The following HBS1L variants were observed in gnomAD, a reference collection of about 807,000 sequenced individuals.
HBS1L encodes the protein HBS1-like protein.
A neutral mutation model predicts 88.9 loss-of-function variants in HBS1L; 55 were observed. The observed-to-expected ratio is 0.62, with a 90% CI of 0.50 to 0.77. The LOEUF is 0.77. HBS1L is among the 30% of genes least tolerant of loss of function. The pLI is 0.00. For missense variants in HBS1L, 741 were observed against 829.3 expected, an observed-to-expected ratio of 0.89 and a Z score of 1.31; for synonymous variants, 267 against 288.5, an observed-to-expected ratio of 0.93 and a Z score of 0.76.
chr6:135,019,084 A>G (rs1776001408), intron 4 of HBS1L, among the ~76,000 whole-genome samples: 1 of 151,966 alleles, frequency 6.6e-6, no homozygotes, highest in Admixed American at 6.6e-5. Context: ...AATATATGCT[A>G]TAATGGCTCA....
At chr6:135,050,308 T>C (rs922552191) in intron 2 of HBS1L, among the ~76,000 whole-genome samples, 2 of 152,212 alleles carry the variant, frequency 1.3e-5, no homozygotes, top group Non-Finnish European at 2.9e-5. Flanking sequence ...TAAATTACCA[T>C]TTTAGTATAT....
chr6:134,985,111 T>C (rs1774941108), intron 12 of HBS1L, among the ~76,000 whole-genome samples: 1 of 152,132 alleles, frequency 6.6e-6, no homozygotes, highest in South Asian at 2.1e-4. Flanking sequence ...AAGGTTTTCT[T>C]ATGCTTGAAA....
intron 17 of HBS1L, 31 bp from the exon 18 acceptor site, chr6:134,965,321 C>A: frequency 7.1e-7 from 1 of 1,417,116 alleles, no homozygotes; most frequent in Non-Finnish European, 9.8e-7. Context: ...AAGACATTTG[C>A]TGTAATTTAA....
chr6:134,992,960 T>C (rs938815841), intron 8 of HBS1L, among the ~76,000 whole-genome samples: 4 of 152,188 alleles, frequency 2.6e-5, no homozygotes, highest in African/African-American at 7.2e-5. Flanking sequence ...TGTACCATTT[T>C]TTATCTTTTA....
In HBS1L at chr6:135,042,170, C is replaced by T. The variant is rs746031577; in HGVS notation, c.110-44G>A. 8 of 1,510,016 alleles carry T rather than the reference C, an allele frequency of 5.3e-6. No individual in the cohort carries two copies. In the East Asian group the frequency reaches 1.6e-4, roughly 30 times the overall value. 93.5% of individuals were successfully genotyped at this position (1,510,016 alleles called of 1,614,324 possible). On this transcript the variant is annotated intron_variant, in intron 2 of 17. Transcript: ENST00000367837. ...AAAGAATGCTATGGTATAGCCATTT[C>T]CTATTAACTTTTTTTTACAAAAGTT...
At chr6:135,038,137 CT>C in intron 4 of HBS1L, 2 of 776,480 alleles carry the variant, frequency 2.6e-6, no homozygotes, top group Non-Finnish European at 3.9e-6. Context: ...CTAAATGCTT[CT>C]TTTGATTATG....
chr6:134,968,244 CT>C (rs748189369), intron 16 of HBS1L, among the ~76,000 whole-genome samples: 23,409 of 146,228 alleles, frequency 0.16, 1,949 homozygotes, highest in South Asian at 0.28. Context: ...GGTAAGAAAT[CT>C]TTTTTTTTTT....
At chr6:135,049,880 AC>A (rs1351007982) in intron 2 of HBS1L, among the ~76,000 whole-genome samples, 1 of 152,248 alleles carries the variant, frequency 6.6e-6, no homozygotes, top group Non-Finnish European at 1.5e-5. Flanking sequence ...CCTACACCAT[AC>A]TAAAATTTAG....
intron 11 of HBS1L, 121 bp downstream of exon 11, chr6:134,985,945 A>G: frequency 1.6e-6 from 1 of 628,050 alleles, no homozygotes; most frequent in South Asian, 2.0e-5. Context: ...CAGGTAACTT[A>G]GTTCCTCCGA....
chr6:134,986,182 T>C lies in HBS1L; in HGVS notation c.1307A>G (p.Glu436Gly). ...GHFLKQAGFKESDVGFIPTSG... is the reference protein window; with the variant it reads ...GHFLKQAGFKGSDVGFIPTSG... The stretch of plus-strand genomic sequence containing the variant: ...TGTAGGAATAAAACCTACATCACTC[T>C]CCTATTAAAAAGATTGACTTATGAA... Residue 436 changes from glutamate to glycine, a missense_variant and splice_region_variant, in exon 11 of 18, where the codon GAG becomes GGG. Coordinates refer to ENST00000367837, the MANE Select transcript of HBS1L (RefSeq NM_006620.4). 1 of 1,436,562 alleles carries C rather than the reference T, an allele frequency of 7.0e-7. No individual in the cohort carries two copies. Among genetic ancestry groups the C allele is most frequent in the Non-Finnish European group, 9.8e-7 (1 of 1,024,178 alleles). The allele number at this position is 1,436,562 out of a possible 1,614,324, so 89.0% of individuals were successfully genotyped here. A position where few individuals can be genotyped will look rare whatever the true frequency, so the allele number is the denominator to read the frequency against.
chr6:134,982,520 C>T lies in HBS1L; in HGVS notation c.1535G>A (p.Gly512Asp), dbSNP rs1774860744. Residue 512 changes from glycine (G) to aspartate (D), a missense_variant, in exon 13 of 18, where the codon GGT becomes GAT. By Grantham distance (94) the Gly-to-Asp change is moderately conservative. Coordinates refer to ENST00000367837, the MANE Select transcript of HBS1L (RefSeq NM_006620.4). ...GFCITGKIEA[G>D]YIQTGDRLLA... ...TAGTCGGTCACCAGTTTGGATATAA[C>T]CAGCTTCTATTTTACCAGTTATGCA... is the stretch of plus-strand genomic sequence containing the variant. 1 of 1,611,466 alleles carries T rather than the reference C, an allele frequency of 6.2e-7. No individual in the cohort carries two copies. Among genetic ancestry groups the T allele is most frequent in the African/African-American group, 1.3e-5 (1 of 74,772 alleles).
chr6:134,965,047 G>T lies in HBS1L; in HGVS notation c.*232C>A. 1.8e-6 allele frequency: 1 copy of T among 545,370 alleles called. No individual in the cohort carries two copies. Among genetic ancestry groups the T allele is most frequent in the Non-Finnish European group, 3.2e-6 (1 of 309,716 alleles). The allele number at this position is 545,370 out of a possible 1,614,324, so 33.8% of individuals were successfully genotyped here. A position where few individuals can be genotyped will look rare whatever the true frequency, so the allele number is the denominator to read the frequency against. ...TAGCAAAGTAAATCCATTTATTAAC[G>T]TTTCAAAGGCAAAGTTGTTTTTAAC... On this transcript the variant is annotated 3_prime_UTR_variant, in exon 18 of 18. Coordinates refer to ENST00000367837, the MANE Select transcript of HBS1L (RefSeq NM_006620.4).
Position 134,996,815 on chromosome 6 carries a change from A to C in HBS1L, c.927T>G (p.Tyr309Ter). The change falls in exon 7 of 18, where the codon TAT becomes TAG. Residue 309 changes from tyrosine to a stop codon, truncating the protein, a stop_gained. Coordinates refer to ENST00000367837, the MANE Select transcript of HBS1L (RefSeq NM_006620.4). LOFTEE classifies it high-confidence loss of function. ...CGCCAGTTTCATCCAAGACCCATGC[A>C]TATGCAAACGAAGCTTTGCCAGCCT... ...SKKAGKASFA[Y>*]AWVLDETGEE... 6.2e-7 allele frequency: 1 copy of C among 1,611,352 alleles called. No individual in the cohort carries two copies. The highest frequency in any genetic ancestry group is 1.3e-5 in the African/African-American group (1 of 74,906).
intron 4 of HBS1L, among the ~76,000 whole-genome samples, chr6:135,008,832 G>A (rs1426004327): frequency 1.3e-5 from 2 of 151,954 alleles, no homozygotes; most frequent in Non-Finnish European, 2.9e-5. Flanking sequence ...TGCCTTACAC[G>A]TTCACGCAGT....
chr6:135,024,907 C>A (rs1034679137), intron 4 of HBS1L, among the ~76,000 whole-genome samples: 1 of 152,068 alleles, frequency 6.6e-6, no homozygotes, highest in Admixed American at 6.6e-5. Flanking sequence ...GAGAAATCTT[C>A]TTCCGGAATG....
At chr6:135,035,262 C>T (rs1489336985) in intron 4 of HBS1L, among the ~76,000 whole-genome samples, 1 of 152,060 alleles carries the variant, frequency 6.6e-6, no homozygotes. Context: ...CTATCCTGGC[C>T]AACATGGTGA....
intron 4 of HBS1L, among the ~76,000 whole-genome samples, chr6:135,035,106 C>T (rs1433727666): frequency 6.6e-6 from 1 of 152,162 alleles, no homozygotes; most frequent in Admixed American, 6.5e-5. Context: ...CACTGTGGGG[C>T]ACACAACTGT....
intron 5 of HBS1L, among the ~76,000 whole-genome samples, chr6:135,002,346 G>C (rs1473659158): frequency 6.6e-6 from 1 of 152,062 alleles, no homozygotes; most frequent in Non-Finnish European, 1.5e-5. Flanking sequence ...AAATATTTTA[G>C]TTATTAAAAA....
rs9399131 is a variant in HBS1L, at chr6:134,991,554, T to C, written c.1083+2204A>G. Among the ~76,000 whole-genome samples the C allele has an allele frequency of 4.0e-4, 61 of 152,334 alleles. No homozygotes were observed. In the East Asian group the frequency reaches 0.011, roughly 28 times the overall value. On this transcript the variant is annotated intron_variant, in intron 8 of 17. Coordinates refer to ENST00000367837, the MANE Select transcript of HBS1L (RefSeq NM_006620.4). ...GTTATAAAGATTATATTAAACTGAA[T>C]GCATGTAATACCTAATACAGTATCT...
Sources: gnomAD v4.1 joint callset for allele counts (sites outside exome capture counted in the v4.1 genomes callset) on GRCh38, gnomAD v4.1.1 for gene constraint, MANE v1.5 for transcripts, NCBI Gene and HGNC (gene_info 2026-07-23, HGNC 2026-07-21) for gene names.